Variants in NUP153 observed in about 807,000 individuals in gnomAD.
The protein encoded by NUP153 is nucleoporin 153.
Under a neutral mutation model 134.6 loss-of-function variants are expected in NUP153, and 27 were observed. The ratio of observed to expected loss-of-function variants is 0.20; its 90% CI spans 0.15 to 0.28. The LOEUF is 0.28. NUP153 is among the 10% of genes least tolerant of loss of function. The pLI is 1.00. For synonymous variants in NUP153, 640 were observed against 623.5 expected, an observed-to-expected ratio of 1.03 and a Z score of -0.40; for missense variants, 1,821 against 1,731.3, an observed-to-expected ratio of 1.05 and a Z score of -0.92.
chr6:17,669,411 C>T lies in NUP153; in HGVS notation c.969+19G>A, dbSNP rs55786700. The T allele has an allele frequency of 4.6e-5, 73 of 1,602,658 alleles. 1 individual carries two copies. The African/African-American group carries it at 6.5e-4, about 14-fold the overall frequency. On this transcript the variant is annotated intron_variant, in intron 6 of 21. Coordinates refer to ENST00000262077, the MANE Select transcript of NUP153 (RefSeq NM_005124.4). ...AGTTTTGTTACACTCCTGTATTAAT[C>T]GTGATTTTAAAAATTTACCGCTAAA...
intron 1 of NUP153, among the ~76,000 whole-genome samples, chr6:17,692,620 C>T (rs1365597064): frequency 6.6e-6 from 1 of 152,126 alleles, no homozygotes; most frequent in Non-Finnish European, 1.5e-5. Context: ...TTTCAATACC[C>T]TAATATACCT....
intron 16 of NUP153, among the ~76,000 whole-genome samples, chr6:17,635,565 C>A (rs1164466364): frequency 6.6e-6 from 1 of 152,104 alleles, no homozygotes; most frequent in South Asian, 2.1e-4. Flanking sequence ...CCAAGCCAGG[C>A]TAATTTTTGT....
intron 2 of NUP153, among the ~76,000 whole-genome samples, chr6:17,677,856 C>A (rs572646051): frequency 6.6e-6 from 1 of 150,620 alleles, no homozygotes; most frequent in East Asian, 2.0e-4. Flanking sequence ...ATCCTTTCTT[C>A]TTTCGTGTTT....
Position 17,632,732 on chromosome 6 carries a change from C to T in NUP153, c.2577G>A (p.Leu859=), listed in dbSNP as rs749645067. The T allele has an allele frequency of 1.2e-6, 2 of 1,612,982 alleles. No homozygotes were observed. The highest frequency in any genetic ancestry group is 1.7e-6 in the Non-Finnish European group (2 of 1,179,628). ...KKPEGSWDCE[L]CLVQNKADST... is the part of the protein sequence containing the mutation. ...AGTCTGCCTTATTCTGCACTAGGCA[C>T]AATTCACAGTCCCAGCTTCCCTCGG... The change falls in exon 17 of 22, where the codon TTG becomes TTA. Residue 859 remains leucine (L), a synonymous_variant. Coordinates refer to ENST00000262077, the MANE Select transcript of NUP153 (RefSeq NM_005124.4).
chr6:17,694,982 GAA>G (rs11417761), intron 1 of NUP153, among the ~76,000 whole-genome samples: 34,745 of 149,088 alleles, frequency 0.23, 4,544 homozygotes, highest in Non-Finnish European at 0.29. Context: ...CTGTCTCAAG[GAA>G]AAAAAAAAAG....
At chr6:17,620,748 A>G (rs1764605801) in intron 20 of NUP153, among the ~76,000 whole-genome samples, 1 of 152,168 alleles carries the variant, frequency 6.6e-6, no homozygotes, top group African/African-American at 2.4e-5. Flanking sequence ...TTGGCCGAAG[A>G]CAATAATTCT....
At chr6:17,618,710 C>T (rs867696439) in intron 20 of NUP153, among the ~76,000 whole-genome samples, 66 of 151,914 alleles carry the variant, frequency 4.3e-4, no homozygotes, top group East Asian at 3.9e-4. Flanking sequence ...GGACTACAGG[C>T]GCCCGCCACC....
intron 14 of NUP153, among the ~76,000 whole-genome samples, chr6:17,640,921 C>T (rs536675317): frequency 6.6e-6 from 1 of 152,182 alleles, no homozygotes; most frequent in South Asian, 2.1e-4. Context: ...TCATGCCTGG[C>T]CCACAAAAAT....
chr6:17,698,033 A>C (rs1769777811), intron 1 of NUP153, among the ~76,000 whole-genome samples: 1 of 152,138 alleles, frequency 6.6e-6, no homozygotes, highest in South Asian at 2.1e-4. Context: ...TATCCTTAGC[A>C]GTGTTCAGAT....
rs1767195341 is a variant in NUP153, at chr6:17,661,713, T to A, written c.1335A>T (p.Gly445=). ...TTCTTTCTCGTCTCATCTTGCCACC[T>A]CCACCACCTACTCCAGAAGATAAAC... ...ANGLSSGVGG[G]GGKMRRERTR... The change falls in exon 11 of 22, where the codon GGA becomes GGT. Residue 445 remains glycine (G), a synonymous_variant. Coordinates refer to ENST00000262077, the MANE Select transcript of NUP153 (RefSeq NM_005124.4). 1 of 1,613,862 alleles carries A rather than the reference T, an allele frequency of 6.2e-7. No individual in the cohort carries two copies. The highest frequency in any genetic ancestry group is 1.7e-5 in the Admixed American group (1 of 59,998).
chr6:17,623,027 G>A (rs1764726062), intron 20 of NUP153, among the ~76,000 whole-genome samples: 1 of 151,954 alleles, frequency 6.6e-6, no homozygotes, highest in Admixed American at 6.6e-5. Flanking sequence ...CTACTTGGGA[G>A]GCTGAGGCAG....
rs1396632442 is a variant in NUP153 at position 17,680,694 on chromosome 6, G to T, written c.335-4924C>A. The stretch of plus-strand genomic sequence containing the variant: ...GAGAAAATATCCACAAATTATATAT[G>T]TGATAAGGGATTAATATCCAGAACA... On this transcript the variant is annotated intron_variant, in intron 2 of 21. Coordinates refer to ENST00000262077, the MANE Select transcript of NUP153 (RefSeq NM_005124.4). This position sits in a 1 kb window ranked among gnomAD's most constrained non-coding sequence, Gnocchi z 4.5. Among the ~76,000 whole-genome samples the T allele has an allele frequency of 6.6e-6, 1 of 152,202 alleles. No homozygotes were observed. The highest frequency in any genetic ancestry group is 1.5e-5 in the Non-Finnish European group (1 of 68,028).
Position 17,626,172 on chromosome 6 carries a change from A to G in NUP153, c.3545-8T>C, listed in dbSNP as rs1267091914. The stretch of plus-strand genomic sequence containing the variant: ...GCTTTGCTGCACCTTGATCTGTAAG[A>G]CAGAAATTAAGAAACAAACATAAAT... On this transcript the variant is annotated splice_region_variant and splice_polypyrimidine_tract_variant and intron_variant, in intron 18 of 21. Coordinates refer to ENST00000262077, the MANE Select transcript of NUP153 (RefSeq NM_005124.4). The G allele has an allele frequency of 1.3e-6, 2 of 1,593,178 alleles. No individual in the cohort carries two copies. Among genetic ancestry groups the G allele is most frequent in the Non-Finnish European group, 1.7e-6 (2 of 1,165,298 alleles).
At position 17,632,673 on chromosome 6, in the gene NUP153, G is replaced by C. The variant is rs374130734; in HGVS notation, c.2636C>G (p.Pro879Arg). ...ACCTTTAAACCCAGATTTTGTGCCT[G>C]GCTTTGCACTTTCACATGCCAAACA... Reference protein sequence around the residue: ...TKCLACESAKPGTKSGFKGFD... With the variant: ...TKCLACESAKRGTKSGFKGFD... The change falls in exon 17 of 22, where the codon CCA becomes CGA. Residue 879 changes from proline (P) to arginine (R), a missense_variant. Physicochemically the swap from Pro to Arg is moderately radical, Grantham distance 103. Coordinates refer to ENST00000262077, the MANE Select transcript of NUP153 (RefSeq NM_005124.4). The C allele has an allele frequency of 1.2e-6, 2 of 1,608,856 alleles. No individual in the cohort carries two copies. The highest frequency in any genetic ancestry group is 1.7e-5 in the Admixed American group (1 of 59,008).
intron 5 of NUP153, among the ~76,000 whole-genome samples, chr6:17,670,268 A>T (rs9396787): frequency 0.98 from 149,919 of 152,218 alleles, 73,859 homozygotes; most frequent in Middle Eastern, 1. Context: ...GGGAGAATAA[A>T]CAGGAAAGCA....
At chr6:17,662,661 A>G (rs1767262674) in intron 9 of NUP153, among the ~76,000 whole-genome samples, 1 of 152,218 alleles carries the variant, frequency 6.6e-6, no homozygotes. Flanking sequence ...CGAAAGGTAA[A>G]ATAGTAATTT....
chr6:17,620,401 CTCTCTT>C (rs1764591758), intron 20 of NUP153, among the ~76,000 whole-genome samples: 1 of 152,158 alleles, frequency 6.6e-6, no homozygotes, highest in Non-Finnish European at 1.5e-5. Flanking sequence ...GAAAAGGATA[CTCTCTT>C]CAGTAAATGG....
chr6:17,679,950 A>G (rs990961264), intron 2 of NUP153, among the ~76,000 whole-genome samples: 4 of 152,094 alleles, frequency 2.6e-5, no homozygotes, highest in African/African-American at 9.7e-5. Context: ...CCAGACCACT[A>G]CTCAAGGTAA....
At chr6:17,668,069 C>CT (rs762142682) in intron 8 of NUP153, among the ~76,000 whole-genome samples, 1,059 of 87,180 alleles carry the variant, frequency 0.012, 18 homozygotes, top group Non-Finnish European at 0.017. Context: ...GTTTACTGAA[C>CT]TTTTTTTTTT....
Sources: gnomAD v4.1 joint callset for allele counts (sites outside exome capture counted in the v4.1 genomes callset) on GRCh38, gnomAD v4.1.1 for gene constraint, Gnocchi (gnomAD v3.1) non-coding constraint, MANE v1.5 for transcripts, NCBI Gene and HGNC (gene_info 2026-07-23, HGNC 2026-07-21) for gene names.